RASGRF2: variants seen among roughly 807,000 people sequenced by gnomAD.
RASGRF2 encodes Ras protein specific guanine nucleotide releasing factor 2.
RASGRF2 carries 76 observed loss-of-function variants against 151.0 expected under a neutral mutation model. The observed-to-expected ratio is 0.50, with a 90% CI of 0.42 to 0.61. The LOEUF (loss-of-function observed/expected upper bound fraction) is 0.61, where lower values mean the gene tolerates loss of function less well. Ranked by LOEUF, RASGRF2 falls within the 20% of genes least tolerant of loss-of-function variation. The pLI is 0.00. For missense variants in RASGRF2, 1,148 were observed against 1,564.6 expected (o/e 0.73, Z 4.49); for synonymous variants, 504 against 566.5 (o/e 0.89, Z 1.57).
chr5:81,200,543 T>C (rs865804306), intron 18 of RASGRF2, among the ~76,000 whole-genome samples: 3 of 152,240 alleles, frequency 2.0e-5, no homozygotes, highest in South Asian at 4.1e-4. Flanking sequence ...GATGTAGATA[T>C]AGATATTGAT....
At chr5:81,201,536 A>G (rs1485257465) in intron 19 of RASGRF2, 94 bp downstream of exon 19, 1 of 1,319,972 alleles carries the variant, frequency 7.6e-7, no homozygotes, top group Non-Finnish European at 1.0e-6. Context: ...AATCCTGGGG[A>G]CAGTGGGGAC....
At chr5:81,044,969 A>C (rs1750791907) in intron 2 of RASGRF2, among the ~76,000 whole-genome samples, 2 of 152,160 alleles carry the variant, frequency 1.3e-5, no homozygotes, top group South Asian at 4.1e-4. Context: ...GGGGCTGGCA[A>C]CTAAGTGCCA....
intron 12 of RASGRF2, 59 bp from the exon 13 acceptor site, chr5:81,108,937 A>C: frequency 6.5e-7 from 1 of 1,546,588 alleles, no homozygotes. Flanking sequence ...CAATTGTGGG[A>C]ATATATGATC....
chr5:81,215,926 A>G lies in RASGRF2; in HGVS notation c.3405A>G (p.Arg1135=). 3 of 1,545,992 alleles carry G rather than the reference A, an allele frequency of 1.9e-6. No homozygotes were observed. The highest frequency in any genetic ancestry group is 2.6e-6 in the Non-Finnish European group (3 of 1,155,654). Residue 1135 remains arginine, a synonymous_variant, in exon 24 of 27, where the codon AGA becomes AGG. Coordinates refer to ENST00000265080, the MANE Select transcript of RASGRF2 (RefSeq NM_006909.3). ...KLQKTVSSEG[R]FKNLRETLKN... is the part of the protein sequence containing the mutation. ...AAAAGACTGTTTCCTCTGAAGGAAG[A>G]TTTAAAAATCTTAGAGAAACCCTTA... is the stretch of plus-strand genomic sequence containing the variant.
At chr5:81,157,151 G>T (rs866997876) in intron 17 of RASGRF2, among the ~76,000 whole-genome samples, 7 of 152,026 alleles carry the variant, frequency 4.6e-5, no homozygotes, top group African/African-American at 1.7e-4. Context: ...GGATCACGAG[G>T]TCAGGAGATC....
intron 2 of RASGRF2, among the ~76,000 whole-genome samples, chr5:81,060,205 T>G (rs989109430): frequency 5.3e-5 from 8 of 152,164 alleles, no homozygotes; most frequent in African/African-American, 1.9e-4. Context: ...GGAGATTACA[T>G]CTCAATGTGA....
chr5:81,030,171 T>A (rs1362647944), intron 1 of RASGRF2, among the ~76,000 whole-genome samples: 4 of 152,218 alleles, frequency 2.6e-5, no homozygotes, highest in Non-Finnish European at 5.9e-5. Flanking sequence ...AATCTACGTC[T>A]GATTGGTGTA....
rs551821872 is a variant in RASGRF2, at chr5:81,208,482, A to T, written c.3156+44A>T. On this transcript the variant is annotated intron_variant, in intron 22 of 26. Transcript: ENST00000265080. ...AAAACCGTGGGCGTGTCACAAGAAGATGGATATTGGGGTCTAAAGACTCCT... is the reference window on the plus strand; with the variant it reads ...AAAACCGTGGGCGTGTCACAAGAAGTTGGATATTGGGGTCTAAAGACTCCT... 1.4e-4 allele frequency: 192 copies of T among 1,325,080 alleles called. 1 individual carries two copies. In the South Asian group the frequency reaches 2.2e-3, roughly 15 times the overall value. The allele number at this position is 1,325,080 out of a possible 1,614,324, so 82.1% of individuals were successfully genotyped here. A position where few individuals can be genotyped will look rare whatever the true frequency, so the allele number is the denominator to read the frequency against.
At chr5:81,031,510 C>A (rs1444180698) in intron 1 of RASGRF2, among the ~76,000 whole-genome samples, 1 of 152,184 alleles carries the variant, frequency 6.6e-6, no homozygotes, top group East Asian at 1.9e-4. Context: ...CAAAACCGCT[C>A]AACTACATGG....
intron 26 of RASGRF2, chr5:81,223,428 T>C (rs1316815011): frequency 6.6e-6 from 1 of 151,688 alleles, no homozygotes; most frequent in East Asian, 1.9e-4. Context: ...GATCACAAGG[T>C]CAGGAGATCA....
At chr5:81,149,593 C>T (rs1166734553) in intron 17 of RASGRF2, among the ~76,000 whole-genome samples, 1 of 151,742 alleles carries the variant, frequency 6.6e-6, no homozygotes. Flanking sequence ...TCCATGTAAC[C>T]AGAAACCACC....
intron 1 of RASGRF2, among the ~76,000 whole-genome samples, chr5:81,003,083 G>A (rs1749130661): frequency 6.6e-6 from 1 of 151,986 alleles, no homozygotes; most frequent in African/African-American, 2.4e-5. Context: ...GAGAGAGAAA[G>A]TCTCGCTCTG....
intron 18 of RASGRF2, among the ~76,000 whole-genome samples, chr5:81,189,645 C>G (rs1755111246): frequency 6.6e-6 from 1 of 151,536 alleles, no homozygotes; most frequent in African/African-American, 2.4e-5. Context: ...GGGCATGAGC[C>G]ACTGTGCCTA....
chr5:81,073,430 G>T lies in RASGRF2; in HGVS notation c.865G>T (p.Val289Phe). 1 of 1,614,046 alleles carries T rather than the reference G, an allele frequency of 6.2e-7. No homozygotes were observed. The highest frequency in any genetic ancestry group is 1.1e-5 in the South Asian group (1 of 91,064). Residue 289 changes from valine to phenylalanine, a missense_variant, in exon 5 of 27, where the codon GTC (valine) becomes TTC (phenylalanine). Around this residue, in one of 5 missense-constraint regions of RASGRF2, gnomAD observed 176 missense variants for 309.6 expected, o/e 0.57. Transcript: ENST00000265080. ...GAAGCCCCCCATCAGCCACGACGAC[G>T]TCAGCAGTATTTTTCTTAACAGGTT... ...SKKPPISHDDVSSIFLNSETI... is the reference protein window; with the variant it reads ...SKKPPISHDDFSSIFLNSETI...
intron 12 of RASGRF2, among the ~76,000 whole-genome samples, chr5:81,102,504 G>A (rs992436032): frequency 3.3e-5 from 5 of 152,136 alleles, no homozygotes; most frequent in Non-Finnish European, 7.4e-5. Flanking sequence ...AGACCAGCCT[G>A]GCCAACATGA....
chr5:81,116,513 G>T (rs559791543), intron 15 of RASGRF2, among the ~76,000 whole-genome samples: 2 of 152,102 alleles, frequency 1.3e-5, no homozygotes, highest in Non-Finnish European at 2.9e-5. Flanking sequence ...TTTCTAGCAC[G>T]GAGTAAACTT....
intron 15 of RASGRF2, among the ~76,000 whole-genome samples, chr5:81,122,573 T>C (rs1192733121): frequency 2.0e-5 from 3 of 152,210 alleles, no homozygotes; most frequent in African/African-American, 7.2e-5. Flanking sequence ...TTAGAGATTT[T>C]TGAAAGTTTG....
intron 18 of RASGRF2, among the ~76,000 whole-genome samples, chr5:81,199,050 C>T (rs1171851652): frequency 6.6e-6 from 1 of 152,202 alleles, no homozygotes. Flanking sequence ...AGAACCTGCT[C>T]TTAGACAGCC....
intron 1 of RASGRF2, among the ~76,000 whole-genome samples, chr5:80,965,399 T>A (rs1747691929): frequency 6.6e-6 from 1 of 152,150 alleles, no homozygotes; most frequent in South Asian, 2.1e-4. Context: ...AAATAATTTA[T>A]TACTTAAACT....
Sources: allele counts gnomAD v4.1 joint callset (sites outside exome capture counted in the v4.1 genomes callset), GRCh38; gene constraint gnomAD v4.1.1; regional missense constraint gnomAD v4.1.1; transcripts MANE v1.5; gene names NCBI Gene and HGNC (gene_info 2026-07-23, HGNC 2026-07-21).